Variants in CTIF observed in about 807,000 individuals in gnomAD.
The protein encoded by CTIF is CBP80/20-dependent translation initiation factor.
CTIF carries 21 observed loss-of-function variants against 66.0 expected under a neutral mutation model. That is an observed-to-expected ratio of 0.32 (90% CI 0.23 to 0.46). CTIF has a LOEUF of 0.46. CTIF is among the 20% of genes least tolerant of loss of function. The probability of loss-of-function intolerance (pLI) is 1.00; values close to 1 mark genes in which losing one functional copy is unlikely to be tolerated. For missense variants in CTIF, 739 were observed against 812.7 expected (o/e 0.91, Z 1.10); for synonymous variants, 345 against 326.4 (o/e 1.06, Z -0.62).
chr18:48,570,529 G>A (rs757124708), intron 1 of CTIF, among the ~76,000 whole-genome samples: 1 of 152,196 alleles, frequency 6.6e-6, no homozygotes, highest in African/African-American at 2.4e-5. Flanking sequence ...AGACATCCAC[G>A]CACACACTGA....
At chr18:48,673,284 T>C (rs1284168267) in intron 6 of CTIF, among the ~76,000 whole-genome samples, 1 of 152,226 alleles carries the variant, frequency 6.6e-6, no homozygotes, top group East Asian at 1.9e-4. Flanking sequence ...GCTGTTGTGT[T>C]GTCTAGAGTG....
At chr18:48,613,202 G>C (rs1298497767) in intron 1 of CTIF, among the ~76,000 whole-genome samples, 2 of 152,156 alleles carry the variant, frequency 1.3e-5, no homozygotes, top group Non-Finnish European at 2.9e-5. Context: ...GGCAGGAAAG[G>C]ATACTGAGAA....
intron 9 of CTIF, among the ~76,000 whole-genome samples, chr18:48,768,433 A>T (rs1188885674): frequency 6.6e-6 from 1 of 152,156 alleles, no homozygotes; most frequent in East Asian, 1.9e-4. Context: ...TCTTCTGAGC[A>T]CTTTCCTGTG....
intron 7 of CTIF, among the ~76,000 whole-genome samples, chr18:48,730,161 T>C (rs2092424896): frequency 6.6e-6 from 1 of 152,186 alleles, no homozygotes; most frequent in Non-Finnish European, 1.5e-5. Flanking sequence ...CCACATGTGG[T>C]GAAGGGCCTC....
At chr18:48,580,228 G>A (rs2089624389) in intron 1 of CTIF, among the ~76,000 whole-genome samples, 1 of 152,208 alleles carries the variant, frequency 6.6e-6, no homozygotes, top group Non-Finnish European at 1.5e-5. Context: ...GTCGTCACGG[G>A]TAGAGTGCTT....
chr18:48,796,157 G>A (rs548246740), intron 9 of CTIF, among the ~76,000 whole-genome samples: 7 of 151,462 alleles, frequency 4.6e-5, no homozygotes, highest in Non-Finnish European at 8.8e-5. Flanking sequence ...CACCATGCCC[G>A]GCTAATTTTT....
chr18:48,613,420 C>A (rs1400687999), intron 1 of CTIF, among the ~76,000 whole-genome samples: 1 of 152,078 alleles, frequency 6.6e-6, no homozygotes, highest in Non-Finnish European at 1.5e-5. Context: ...CCTAAGGAAG[C>A]TACAGAGTGC....
rs954718086 is a variant in CTIF, at chr18:48,860,847, A to G, written c.*1288A>G. On this transcript the variant is annotated 3_prime_UTR_variant, in exon 12 of 12. Transcript: ENST00000256413. ...CCAGATGAAGCTTCCCAGCCGGGAA[A>G]CAAGACGGGGTTTCTTGGCAGGCCC... 2 of 152,228 alleles carry G rather than the reference A, an allele frequency of 1.3e-5. No individual in the cohort carries two copies. The highest frequency in any genetic ancestry group is 2.9e-5 in the Non-Finnish European group (2 of 68,068). The allele number at this position is 152,228 out of a possible 1,614,324, so 9.4% of individuals were successfully genotyped here. A position where few individuals can be genotyped will look rare whatever the true frequency, so the allele number is the denominator to read the frequency against.
At chr18:48,576,474 G>A (rs1018747339) in intron 1 of CTIF, among the ~76,000 whole-genome samples, 24 of 152,236 alleles carry the variant, frequency 1.6e-4, no homozygotes, top group African/African-American at 5.8e-4. Flanking sequence ...CTCACCCTGG[G>A]TCCCACTTGC....
Position 48,859,837 on chromosome 18 carries a change from C to T in CTIF, c.*278C>T. On this transcript the variant is annotated 3_prime_UTR_variant, in exon 12 of 12. Coordinates refer to ENST00000256413, the MANE Select transcript of CTIF (RefSeq NM_014772.3). ...GCCCTGGCCCTCCCCTTCCTCACTC[C>T]CGCCTCTCCCCTCCCCATCAGACCC... 1 of 611,690 alleles carries T rather than the reference C, an allele frequency of 1.6e-6. No homozygotes were observed. Among genetic ancestry groups the T allele is most frequent in the South Asian group, 1.5e-5 (1 of 65,970 alleles). The allele number at this position is 611,690 out of a possible 1,614,324, so 37.9% of individuals were successfully genotyped here.
intron 3 of CTIF, among the ~76,000 whole-genome samples, chr18:48,652,151 G>A (rs1262103070): frequency 1.3e-5 from 2 of 152,174 alleles, no homozygotes; most frequent in African/African-American, 4.8e-5. Context: ...AACTGAAGGA[G>A]ATAGAGACGC....
At chr18:48,768,637 C>T (rs1909809431) in intron 9 of CTIF, among the ~76,000 whole-genome samples, 1 of 152,182 alleles carries the variant, frequency 6.6e-6, no homozygotes, top group South Asian at 2.1e-4. Context: ...TGGTTGGGAG[C>T]AATGGCTCAT....
intron 2 of CTIF, among the ~76,000 whole-genome samples, chr18:48,628,572 C>G (rs553946510): frequency 6.6e-6 from 1 of 152,094 alleles, no homozygotes; most frequent in South Asian, 2.1e-4. Context: ...AAACAGGCAG[C>G]CTGTCTCCAC....
intron 6 of CTIF, among the ~76,000 whole-genome samples, chr18:48,681,655 C>A (rs550807517): frequency 6.6e-6 from 1 of 152,292 alleles, no homozygotes; most frequent in Non-Finnish European, 1.5e-5. Context: ...CCTGTGACTC[C>A]GAGTCTGTCT....
intron 3 of CTIF, among the ~76,000 whole-genome samples, chr18:48,653,355 T>C (rs1269978231): frequency 6.6e-6 from 1 of 152,190 alleles, no homozygotes; most frequent in East Asian, 1.9e-4. Context: ...AGCCAAATCG[T>C]GAGTGAACTC....
intron 5 of CTIF, 166 bp from the exon 6 acceptor site, chr18:48,670,503 C>G: frequency 1.7e-6 from 1 of 589,030 alleles, no homozygotes; most frequent in Non-Finnish European, 3.1e-6. Flanking sequence ...CCCACACACA[C>G]ACAGCTTCTC....
intron 1 of CTIF, among the ~76,000 whole-genome samples, chr18:48,583,446 C>G (rs2089703115): frequency 6.6e-6 from 1 of 152,124 alleles, no homozygotes; most frequent in Admixed American, 6.5e-5. Flanking sequence ...TCGCATTATT[C>G]TTAGATTTGT....
At position 48,859,716 on chromosome 18, in the gene CTIF, G is replaced by GT. The variant is rs2069417380; in HGVS notation, c.*157_*158insT. On this transcript the variant is annotated 3_prime_UTR_variant, in exon 12 of 12. Transcript: ENST00000256413. Reference sequence around the variant, plus strand: ...GCCAGTCTGGAGCCAGACGGGGAAGGGAGCAAATCCCTGAGAGGAGTGCCC... The same window carrying GT: ...GCCAGTCTGGAGCCAGACGGGGAAGGTGAGCAAATCCCTGAGAGGAGTGCCC... 1 of 727,270 alleles carries GT rather than the reference G, an allele frequency of 1.4e-6. No homozygotes were observed. The highest frequency in any genetic ancestry group is 2.0e-5 in the Admixed American group (1 of 49,302). The allele number at this position is 727,270 out of a possible 1,614,324, so 45.1% of individuals were successfully genotyped here.
intron 3 of CTIF, among the ~76,000 whole-genome samples, chr18:48,650,323 G>A (rs758952721): frequency 6.6e-6 from 1 of 152,138 alleles, no homozygotes. Context: ...ATGAGAACTC[G>A]TGACGCATGC....
Sources: allele counts gnomAD v4.1 joint callset (sites outside exome capture counted in the v4.1 genomes callset), GRCh38; gene constraint gnomAD v4.1.1; transcripts MANE v1.5; gene names NCBI Gene and HGNC (gene_info 2026-07-23, HGNC 2026-07-21).